TMED3: variants seen among roughly 807,000 people sequenced by gnomAD.
TMED3 encodes the protein transmembrane p24 trafficking protein 3, also known as transmembrane emp24 domain-containing protein 3.
A neutral mutation model predicts 15.0 loss-of-function variants in TMED3; 9 were observed. The ratio of observed to expected loss-of-function variants is 0.60; its 90% CI spans 0.36 to 1.04. The LOEUF is 1.04. Among genes scored for constraint, TMED3 ranks in the 50% least tolerant of loss-of-function variants. The pLI is 0.01. For synonymous variants in TMED3, 117 were observed against 121.4 expected, an observed-to-expected ratio of 0.96 and a Z score of 0.24; for missense variants, 267 against 278.9, an observed-to-expected ratio of 0.96 and a Z score of 0.30.
At chr15:79,403,307 T>C (rs1309986458) in intron 2 of TMED3, among the ~76,000 whole-genome samples, 1 of 149,018 alleles carries the variant, frequency 6.7e-6, no homozygotes, top group Non-Finnish European at 1.5e-5. Context: ...CTGCTATAAC[T>C]GGGCCTGAGG....
At chr15:79,380,588 T>TAGAG (rs1491191828) in intron 2 of TMED3, among the ~76,000 whole-genome samples, 6 of 139,358 alleles carry the variant, frequency 4.3e-5, no homozygotes, top group East Asian at 2.0e-4. Flanking sequence ...GTTTTATATA[T>TAGAG]ATATATATAT....
At chr15:79,389,690 C>T (rs998376109) in intron 2 of TMED3, among the ~76,000 whole-genome samples, 4 of 152,040 alleles carry the variant, frequency 2.6e-5, no homozygotes, top group Non-Finnish European at 4.4e-5. Context: ...GCAGTATGGT[C>T]GTTTTCACAA....
intron 2 of TMED3, among the ~76,000 whole-genome samples, chr15:79,352,838 A>C (rs1435123529): frequency 3.9e-5 from 5 of 126,634 alleles, no homozygotes; most frequent in Middle Eastern, 3.7e-3. Context: ...TTTTATATAT[A>C]TATATATAAA....
chr15:79,328,171 G>A (rs983948013), intron 2 of TMED3, among the ~76,000 whole-genome samples: 1 of 152,090 alleles, frequency 6.6e-6, no homozygotes, highest in South Asian at 2.1e-4. Context: ...TGTATTCATC[G>A]CAAAAGGAAA....
At chr15:79,385,534 T>A (rs2141251437) in intron 2 of TMED3, among the ~76,000 whole-genome samples, 1 of 152,276 alleles carries the variant, frequency 6.6e-6, no homozygotes, top group South Asian at 2.1e-4. Flanking sequence ...CATCCCACCC[T>A]GCTGGAAGGA....
chr15:79,311,218 G>C lies in TMED3; in HGVS notation c.-32G>C, dbSNP rs201855154. 1 of 1,567,846 alleles carries C rather than the reference G, an allele frequency of 6.4e-7. No individual in the cohort carries two copies. The highest frequency in any genetic ancestry group is 8.6e-7 in the Non-Finnish European group (1 of 1,162,466). On this transcript the variant is annotated 5_prime_UTR_variant, in exon 1 of 3. Coordinates refer to ENST00000299705, the MANE Select transcript of TMED3 (RefSeq NM_007364.4). ...AGCCCGCCGGGGGCGCAGCGCCCGA[G>C]CCGCGGCCCTCGAGACGGGACCGAG...
Position 79,322,126 on chromosome 15 carries a change from C to T in TMED3, c.566C>T (p.Ala189Val). 6.2e-7 allele frequency: 1 copy of T among 1,614,220 alleles called. No homozygotes were observed. The highest frequency in any genetic ancestry group is 8.5e-7 in the Non-Finnish European group (1 of 1,180,044). ...TACTGGTCTGTTGGCGAGACGATTG[C>T]CCTGTTCGTGGTCAGCTTCAGTCAG... ...VSYWSVGETI[A>V]LFVVSFSQVL... Residue 189 changes from alanine to valine, a missense_variant, in exon 3 of 3, where the codon GCC becomes GTC. Transcript: ENST00000299705.
chr15:79,412,556 A>T (rs935143076), exon 3 of TMED3: 1 of 152,404 alleles, frequency 6.6e-6, no homozygotes, highest in African/African-American at 2.4e-5. Flanking sequence ...TCCCGCTCCC[A>T]TGCTAACACC....
chr15:79,311,236 G>C lies in TMED3; in HGVS notation c.-14G>C, dbSNP rs1351803258. ...CGCCCGAGCCGCGGCCCTCGAGACG[G>C]GACCGAGAGCATCATGGGCAGCACT... On this transcript the variant is annotated 5_prime_UTR_variant, in exon 1 of 3. Transcript: ENST00000299705. 6.3e-7 allele frequency: 1 copy of C among 1,591,550 alleles called. No homozygotes were observed. Among genetic ancestry groups the C allele is most frequent in the Non-Finnish European group, 8.5e-7 (1 of 1,172,690 alleles).
At chr15:79,382,808 C>G (rs1196205645) in intron 2 of TMED3, among the ~76,000 whole-genome samples, 1 of 152,220 alleles carries the variant, frequency 6.6e-6, no homozygotes, top group Non-Finnish European at 1.5e-5. Flanking sequence ...AGATCATCTA[C>G]TTGTGAAGTA....
rs546960359 is a variant in TMED3, at chr15:79,367,170, T to G, written c.418-44230T>G. 2.0e-5 allele frequency among the ~76,000 whole-genome samples: 3 copies of G among 152,312 alleles called. No homozygotes were observed. The South Asian group carries it at 6.2e-4, about 32-fold the overall frequency. On this transcript the variant is annotated intron_variant, in intron 2 of 2. Coordinates refer to the TMED3 transcript ENST00000424155. Reference sequence around the variant, plus strand: ...AAAGGCATCTTTAACCAAATGCATCTCATATGGTGCCTAACAAAGTCCAAT... The same window carrying G: ...AAAGGCATCTTTAACCAAATGCATCGCATATGGTGCCTAACAAAGTCCAAT...
At chr15:79,385,414 A>G (rs970832337) in intron 2 of TMED3, among the ~76,000 whole-genome samples, 2 of 152,182 alleles carry the variant, frequency 1.3e-5, no homozygotes, top group East Asian at 3.9e-4. Flanking sequence ...TCCCATCTCA[A>G]GCAGGCTCCA....
At chr15:79,364,457 G>A (rs1289179193) in intron 2 of TMED3, among the ~76,000 whole-genome samples, 2 of 151,978 alleles carry the variant, frequency 1.3e-5, no homozygotes, top group Non-Finnish European at 2.9e-5. Flanking sequence ...CTGGGTAGAA[G>A]AGGTCGGTTC....
chr15:79,380,455 T>TA (rs1209855687), intron 2 of TMED3, among the ~76,000 whole-genome samples: 2 of 145,014 alleles, frequency 1.4e-5, no homozygotes, highest in Non-Finnish European at 3.0e-5. Flanking sequence ...TAGTTATATA[T>TA]GTTATATATG....
intron 2 of TMED3, among the ~76,000 whole-genome samples, chr15:79,390,124 C>T (rs183245496): frequency 2.6e-5 from 4 of 152,140 alleles, no homozygotes; most frequent in South Asian, 2.1e-4. Context: ...TCCAGTACTA[C>T]GTTAGGGAAG....
chr15:79,374,270 G>T (rs2141246383), intron 2 of TMED3, among the ~76,000 whole-genome samples: 1 of 152,296 alleles, frequency 6.6e-6, no homozygotes, highest in East Asian at 1.9e-4. Flanking sequence ...TTGCTACAAA[G>T]AGACTGTTTT....
intron 2 of TMED3, among the ~76,000 whole-genome samples, chr15:79,317,813 A>G (rs990317847): frequency 6.6e-6 from 1 of 152,168 alleles, no homozygotes; most frequent in Non-Finnish European, 1.5e-5. Flanking sequence ...CGAGGCCTGC[A>G]TCTTCTCTTC....
intron 2 of TMED3, among the ~76,000 whole-genome samples, chr15:79,398,224 T>C (rs965586150): frequency 2.0e-5 from 3 of 152,150 alleles, no homozygotes; most frequent in Non-Finnish European, 2.9e-5. Flanking sequence ...TGCCATGTAG[T>C]TGGAATTACA....
intron 2 of TMED3, among the ~76,000 whole-genome samples, chr15:79,346,262 T>A (rs1163255135): frequency 1.3e-5 from 2 of 152,196 alleles, no homozygotes; most frequent in Non-Finnish European, 2.9e-5. Context: ...TAGGTTGTCT[T>A]ATAGGGTTTT....
Sources: allele counts gnomAD v4.1 joint callset (sites outside exome capture counted in the v4.1 genomes callset), GRCh38; gene constraint gnomAD v4.1.1; transcripts MANE v1.5; gene names NCBI Gene and HGNC (gene_info 2026-07-23, HGNC 2026-07-21).